PTPRM: variants seen among roughly 807,000 people sequenced by gnomAD.
The protein encoded by PTPRM is protein tyrosine phosphatase receptor type M, also known as receptor-type tyrosine-protein phosphatase mu.
A neutral mutation model predicts 186.7 loss-of-function variants in PTPRM; 47 were observed. The observed-to-expected ratio is 0.25, with a 90% confidence interval of 0.20 to 0.32. The LOEUF is 0.32. Among genes scored for constraint, PTPRM ranks in the 10% least tolerant of loss-of-function variants. PTPRM has a pLI of 1.00. For synonymous variants in PTPRM, 668 were observed against 674.9 expected (o/e 0.99, Z 0.16); for missense variants, 1,494 against 1,865.0 (o/e 0.80, Z 3.66).
At chr18:8,372,793 A>G (rs1216294040) in intron 24 of PTPRM, among the ~76,000 whole-genome samples, 1 of 152,016 alleles carries the variant, frequency 6.6e-6, no homozygotes, top group Non-Finnish European at 1.5e-5. Flanking sequence ...CCGCATTAAA[A>G]CAGCGATAAA....
At chr18:8,221,483 C>T (rs2094152419) in intron 14 of PTPRM, among the ~76,000 whole-genome samples, 1 of 152,208 alleles carries the variant, frequency 6.6e-6, no homozygotes, top group East Asian at 1.9e-4. Context: ...GTGAATCAGG[C>T]AGCCCTCAGA....
Position 7,881,436 on chromosome 18 carries a change from G to A in PTPRM, c.197-6670G>A, listed in dbSNP as rs116084590. Among the ~76,000 whole-genome samples, 462 of 152,274 alleles carry A rather than the reference G, an allele frequency of 3.0e-3. 3 individuals carry two copies. Among genetic ancestry groups the A allele is most frequent in the African/African-American group, 0.011 (440 of 41,556 alleles). On this transcript the variant is annotated intron_variant, in intron 2 of 32. Transcript: ENST00000580170. ...GGCAACAAGAGCAAAACTCCGTCTT[G>A]GAGTAGGGCAGCGGGGGAAGTACAA...
At chr18:7,795,035 C>T (rs1211691848) in intron 2 of PTPRM, among the ~76,000 whole-genome samples, 3 of 152,238 alleles carry the variant, frequency 2.0e-5, no homozygotes, top group Non-Finnish European at 1.5e-5. Context: ...AGATGCTCTT[C>T]TCTCGTCAAA....
chr18:7,780,541 G>C (rs1351265871), intron 2 of PTPRM, among the ~76,000 whole-genome samples: 1 of 152,116 alleles, frequency 6.6e-6, no homozygotes, highest in Admixed American at 6.5e-5. Context: ...TGTTGACCTT[G>C]GTCAAGTTCT....
intron 1 of PTPRM, among the ~76,000 whole-genome samples, chr18:7,744,437 G>T (rs1260850110): frequency 6.6e-6 from 1 of 152,084 alleles, no homozygotes; most frequent in Non-Finnish European, 1.5e-5. Context: ...TATTTGAGAA[G>T]GTCTTATATA....
At chr18:8,378,037 AT>A in intron 26 of PTPRM, 1 of 398,770 alleles carries the variant, frequency 2.5e-6, no homozygotes, top group Non-Finnish European at 4.5e-6. Flanking sequence ...CACAGTTTTC[AT>A]GGTGCTGCAG....
At chr18:8,238,674 T>A (rs1016458176) in intron 14 of PTPRM, among the ~76,000 whole-genome samples, 7 of 142,326 alleles carry the variant, frequency 4.9e-5, no homozygotes, top group African/African-American at 1.8e-4. Flanking sequence ...TTTTTTTTTT[T>A]TTTTTTTTTT....
chr18:7,580,334 A>G (rs1266981869), intron 1 of PTPRM, among the ~76,000 whole-genome samples: 1 of 152,158 alleles, frequency 6.6e-6, no homozygotes, highest in Non-Finnish European at 1.5e-5. Flanking sequence ...TGCTAACAAG[A>G]AGTGGGTGTT....
intron 2 of PTPRM, among the ~76,000 whole-genome samples, chr18:7,826,049 A>T (rs993360995): frequency 1.3e-5 from 2 of 152,080 alleles, no homozygotes; most frequent in Non-Finnish European, 2.9e-5. Flanking sequence ...TCCTCATTGG[A>T]TGGCATCCCC....
chr18:8,397,504 T>C (rs2148617562), intron 32 of PTPRM, among the ~76,000 whole-genome samples: 1 of 152,356 alleles, frequency 6.6e-6, no homozygotes, highest in Non-Finnish European at 1.5e-5. Flanking sequence ...CAAAATAGTT[T>C]CTAATACAAG....
At chr18:7,745,552 T>A (rs1301568158) in intron 1 of PTPRM, among the ~76,000 whole-genome samples, 3 of 152,116 alleles carry the variant, frequency 2.0e-5, no homozygotes, top group Non-Finnish European at 4.4e-5. Flanking sequence ...ACATCTTAGG[T>A]GTTAGGGTGA....
intron 1 of PTPRM, among the ~76,000 whole-genome samples, chr18:7,604,374 AC>A (rs1377540385): frequency 6.6e-6 from 1 of 152,220 alleles, no homozygotes; most frequent in African/African-American, 2.4e-5. Flanking sequence ...TAAAACACAA[AC>A]ATCAACAACG....
chr18:8,114,751 A>G, intron 12 of PTPRM, 40 bp from the exon 13 acceptor site: 1 of 1,524,500 alleles, frequency 6.6e-7, no homozygotes, highest in Non-Finnish European at 9.1e-7. Flanking sequence ...TCTTAAAGAA[A>G]ACATGAATAA....
chr18:7,740,745 A>G (rs1240806515), intron 1 of PTPRM, among the ~76,000 whole-genome samples: 1 of 152,206 alleles, frequency 6.6e-6, no homozygotes. Context: ...AGGCAGAAAA[A>G]GGAGACAGAG....
intron 1 of PTPRM, among the ~76,000 whole-genome samples, chr18:7,665,287 T>G (rs1000347192): frequency 3.9e-5 from 6 of 152,210 alleles, no homozygotes; most frequent in Admixed American, 3.9e-4. Context: ...GCATGCATGT[T>G]TACCTGCACA....
intron 32 of PTPRM, among the ~76,000 whole-genome samples, chr18:8,402,601 C>A (rs527737749): frequency 6.6e-6 from 1 of 152,114 alleles, no homozygotes; most frequent in Non-Finnish European, 1.5e-5. Flanking sequence ...GGGATGGGAC[C>A]GTGTAGATTT....
At chr18:8,140,876 C>A (rs1292270255) in intron 13 of PTPRM, among the ~76,000 whole-genome samples, 1 of 151,864 alleles carries the variant, frequency 6.6e-6, no homozygotes, top group Non-Finnish European at 1.5e-5. Flanking sequence ...AATAACAAGA[C>A]CGAGGGGGAA....
chr18:8,102,017 T>C (rs926333539), intron 11 of PTPRM, among the ~76,000 whole-genome samples: 1 of 152,172 alleles, frequency 6.6e-6, no homozygotes, highest in South Asian at 2.1e-4. Context: ...GTCACACACA[T>C]TTTTTGTTTC....
intron 7 of PTPRM, among the ~76,000 whole-genome samples, chr18:7,985,097 T>A (rs1197351919): frequency 3.9e-5 from 5 of 128,354 alleles, no homozygotes; most frequent in African/African-American, 6.0e-5. Context: ...ATACATATAA[T>A]TATATATACA....
Sources: allele counts gnomAD v4.1 joint callset (sites outside exome capture counted in the v4.1 genomes callset), GRCh38; gene constraint gnomAD v4.1.1; transcripts MANE v1.5; gene names NCBI Gene and HGNC (gene_info 2026-07-23, HGNC 2026-07-21).